GPR137B: variants seen among roughly 807,000 people sequenced by gnomAD.
GPR137B encodes integral membrane protein GPR137B.
A neutral mutation model predicts 42.5 loss-of-function variants in GPR137B; 42 were observed. That is an observed-to-expected ratio of 0.99 (90% CI 0.77 to 1.28). The LOEUF is 1.28. GPR137B is among the 50% of genes most tolerant of loss of function. GPR137B has a pLI of 0.00. For missense variants in GPR137B, 487 were observed against 493.9 expected (o/e 0.99, Z 0.13); for synonymous variants, 218 against 209.7 (o/e 1.04, Z -0.34).
chr1:236,153,162 G>A (rs1453279666), intron 1 of GPR137B, among the ~76,000 whole-genome samples: 1 of 152,086 alleles, frequency 6.6e-6, no homozygotes, highest in East Asian at 1.9e-4. Context: ...TTGAATGCAT[G>A]CAGCTGAGTG....
intron 1 of GPR137B, among the ~76,000 whole-genome samples, chr1:236,145,213 C>T (rs1661649746): frequency 1.3e-5 from 2 of 152,158 alleles, no homozygotes; most frequent in African/African-American, 4.8e-5. Context: ...AGTTATAAAG[C>T]CTTTTGTCGC....
rs1164920003 is a variant in GPR137B, at chr1:236,208,117, C to T, written c.1159C>T (p.Gln387Ter). 6.2e-7 allele frequency: 1 copy of T among 1,613,372 alleles called. No homozygotes were observed. Among genetic ancestry groups the T allele is most frequent in the Non-Finnish European group, 8.5e-7 (1 of 1,179,396 alleles). Residue 387 changes from glutamine to a stop codon, truncating the protein, a stop_gained, in exon 7 of 7, where the codon CAA becomes TAA. Coordinates refer to ENST00000366592, the MANE Select transcript of GPR137B (RefSeq NM_003272.4). LOFTEE classifies it high-confidence loss of function. Reference protein sequence around the residue: ...NSFLAQAGTLQDSTLDPDKPS... With the variant: ...NSFLAQAGTL ...CTTCCTGGCACAAGCAGGAACTTTG[C>T]AAGACTCAACTTTGGATCCTGACAA...
chr1:236,178,386 G>A, intron 2 of GPR137B, 28 bp from the exon 3 acceptor site: 1 of 1,368,222 alleles, frequency 7.3e-7, no homozygotes, highest in Non-Finnish European at 1.0e-6. Context: ...GGGATGTGCA[G>A]CTGACAAGTT....
chr1:236,185,671 T>C (rs1044951142), intron 5 of GPR137B, among the ~76,000 whole-genome samples: 1 of 152,162 alleles, frequency 6.6e-6, no homozygotes, highest in African/African-American at 2.4e-5. Flanking sequence ...TTCTCTTGCC[T>C]TAGTCTTGCA....
In GPR137B at chr1:236,178,552, C is replaced by T. The variant is rs150272779; in HGVS notation, c.603C>T (p.Leu201=). 205 of 1,613,240 alleles carry T rather than the reference C, an allele frequency of 1.3e-4. No homozygotes were observed. In the African/African-American group the frequency reaches 1.8e-3, roughly 14 times the overall value. ...TGCGAGTGGCCATTAATGACACGCT[C>T]TTCGTGCTGTGTGCCGTCTCTCTCT... The part of the protein sequence containing the change: ...VSVRVAINDT[L]FVLCAVSLSI... The change falls in exon 3 of 7, where the codon CTC becomes CTT. Residue 201 remains leucine (L), a synonymous_variant. Coordinates refer to ENST00000366592, the MANE Select transcript of GPR137B (RefSeq NM_003272.4).
chr1:236,163,807 G>A (rs1383393253), intron 1 of GPR137B, among the ~76,000 whole-genome samples: 1 of 152,126 alleles, frequency 6.6e-6, no homozygotes, highest in African/African-American at 2.4e-5. Context: ...GTCTTCATCA[G>A]CAGCATGAAA....
intron 1 of GPR137B, among the ~76,000 whole-genome samples, chr1:236,161,705 C>T (rs1261497698): frequency 2.0e-5 from 3 of 152,266 alleles, no homozygotes; most frequent in Admixed American, 2.0e-4. Context: ...GAATAAGTCT[C>T]ACAAGATCTG....
intron 5 of GPR137B, among the ~76,000 whole-genome samples, chr1:236,199,435 T>C (rs1311487750): frequency 6.6e-6 from 1 of 152,212 alleles, no homozygotes; most frequent in African/African-American, 2.4e-5. Context: ...CCTCTTTCAC[T>C]ATCTTTTGGA....
intron 1 of GPR137B, among the ~76,000 whole-genome samples, chr1:236,144,433 CAAAA>C (rs944531751): frequency 1.3e-5 from 2 of 151,754 alleles, no homozygotes; most frequent in East Asian, 3.9e-4. Flanking sequence ...AACAAACAAA[CAAAA>C]AAAACAAAGT....
At chr1:236,191,658 G>T (rs942424566) in intron 5 of GPR137B, among the ~76,000 whole-genome samples, 2 of 152,218 alleles carry the variant, frequency 1.3e-5, no homozygotes, top group Non-Finnish European at 1.5e-5. Context: ...AGCGGAGGCT[G>T]CAGAACAGCA....
intron 5 of GPR137B, among the ~76,000 whole-genome samples, chr1:236,200,117 C>A (rs867734266): frequency 1.3e-5 from 2 of 152,028 alleles, no homozygotes; most frequent in Admixed American, 6.5e-5. Context: ...ACCCAAAGAT[C>A]ATTCAGGAGC....
intron 5 of GPR137B, among the ~76,000 whole-genome samples, chr1:236,185,290 T>C (rs1323305150): frequency 2.0e-5 from 3 of 152,222 alleles, no homozygotes; most frequent in Non-Finnish European, 4.4e-5. Flanking sequence ...AAATGTCATC[T>C]AACATTTGTA....
rs1162616955 is a variant in GPR137B at position 236,150,857 on chromosome 1, G to A, written c.414+7821G>A. Among the ~76,000 whole-genome samples, 1 of 152,202 alleles carries A rather than the reference G, an allele frequency of 6.6e-6. No homozygotes were observed. The highest frequency in any genetic ancestry group is 1.5e-5 in the Non-Finnish European group (1 of 68,036). ...AGTGGAGTTCCAGGGCCCAGCCATGGCTGTCCCGCTGCTGCTGTGCCCACC... is the reference window on the plus strand; with the variant it reads ...AGTGGAGTTCCAGGGCCCAGCCATGACTGTCCCGCTGCTGCTGTGCCCACC... On this transcript the variant is annotated intron_variant, in intron 1 of 6. Transcript: ENST00000366592. The surrounding 1 kb of genome is among the most constrained non-coding windows in gnomAD (Gnocchi z 6.2).
intron 5 of GPR137B, among the ~76,000 whole-genome samples, chr1:236,197,762 C>A (rs948680305): frequency 3.0e-4 from 46 of 152,118 alleles, no homozygotes; most frequent in African/African-American, 9.4e-4. Context: ...ACTCTGTCAC[C>A]CAGGTTGGAG....
At chr1:236,175,657 C>T (rs914482988) in intron 2 of GPR137B, among the ~76,000 whole-genome samples, 1 of 152,156 alleles carries the variant, frequency 6.6e-6, no homozygotes, top group South Asian at 2.1e-4. Flanking sequence ...CCCATACCCC[C>T]CTCCCCTGAT....
intron 1 of GPR137B, among the ~76,000 whole-genome samples, chr1:236,161,387 A>G (rs1431563891): frequency 1.3e-5 from 2 of 151,092 alleles, no homozygotes; most frequent in African/African-American, 4.9e-5. Context: ...CACTGCTCCT[A>G]AGTCCACATG....
At chr1:236,176,498 G>A (rs1662690604) in intron 2 of GPR137B, among the ~76,000 whole-genome samples, 2 of 152,046 alleles carry the variant, frequency 1.3e-5, no homozygotes, top group African/African-American at 2.4e-5. Context: ...TTGGGGGCCC[G>A]GGCTGCCTCA....
At chr1:236,172,778 G>A (rs1229557062) in intron 2 of GPR137B, among the ~76,000 whole-genome samples, 1 of 151,054 alleles carries the variant, frequency 6.6e-6, no homozygotes, top group Non-Finnish European at 1.5e-5. Context: ...TTAATCTCCT[G>A]GGCTCAAGCG....
At chr1:236,181,055 T>C (rs768408211) in intron 4 of GPR137B, among the ~76,000 whole-genome samples, 1 of 152,062 alleles carries the variant, frequency 6.6e-6, no homozygotes, top group Non-Finnish European at 1.5e-5. Context: ...GTTTTTGTTT[T>C]TTTTGTCATC....
Sources: allele counts gnomAD v4.1 joint callset (sites outside exome capture counted in the v4.1 genomes callset), GRCh38; gene constraint gnomAD v4.1.1; non-coding constraint Gnocchi (gnomAD v3.1); transcripts MANE v1.5; gene names NCBI Gene and HGNC (gene_info 2026-07-23, HGNC 2026-07-21).